TMEM45B: variants seen among roughly 807,000 people sequenced by gnomAD.
TMEM45B encodes the protein transmembrane protein 45B.
Under a neutral mutation model 27.3 loss-of-function variants are expected in TMEM45B, and 29 were observed. The ratio of observed to expected loss-of-function variants is 1.06; its 90% confidence interval spans 0.79 to 1.45. The LOEUF (loss-of-function observed/expected upper bound fraction) is 1.45, where lower values mean the gene tolerates loss of function less well. Ranked by LOEUF, TMEM45B falls within the 40% of genes most tolerant of loss-of-function variation. TMEM45B has a pLI of 0.00. For synonymous variants in TMEM45B, 143 were observed against 134.7 expected, an observed-to-expected ratio of 1.06 and a Z score of -0.43; for missense variants, 348 against 343.9, an observed-to-expected ratio of 1.01 and a Z score of -0.09.
intron 5 of TMEM45B, 147 bp downstream of exon 5, chr11:129,857,605 C>G: frequency 1.2e-6 from 1 of 858,560 alleles, no homozygotes. Flanking sequence ...CCCTTATTTG[C>G]AAACAAGGGG....
rs55956143 is a variant in TMEM45B, at chr11:129,850,165, ATGT to A, written c.-8-2299_-8-2297del. ...TTTTCTCACGTTTTTTTTTTTGTTGATGTTGTTGTTGTTTTTGAGATGGAGTTT... is the reference window on the plus strand; with the variant it reads ...TTTTCTCACGTTTTTTTTTTTGTTGATGTTGTTGTTTTTGAGATGGAGTTT... On this transcript the variant is annotated intron_variant, in intron 1 of 5. Transcript: ENST00000281441. Among the ~76,000 whole-genome samples the A allele has an allele frequency of 2.6e-4, 36 of 138,968 alleles. No individual in the cohort carries two copies. In the East Asian group the frequency reaches 6.0e-3, roughly 23 times the overall value. The allele number at this position is 138,968 out of a possible 152,430, so 91.2% of individuals were successfully genotyped here. A position where few individuals can be genotyped will look rare whatever the true frequency, so the allele number is the denominator to read the frequency against.
chr11:129,855,789 G>A lies in TMEM45B; in HGVS notation c.467G>A (p.Gly156Glu). Residue 156 changes from glycine to glutamate, a missense_variant, in exon 4 of 6, where the codon GGA becomes GAA. Transcript: ENST00000281441. ...IHSLLLYALF[G>E]GCVSISLEVI... Reference sequence around the variant, plus strand: ...TCACTCCTGCTGTATGCTCTGTTCGGAGGGTGTGTTAGTATCTCCCTAGAG... The same window carrying A: ...TCACTCCTGCTGTATGCTCTGTTCGAAGGGTGTGTTAGTATCTCCCTAGAG... The A allele has an allele frequency of 1.2e-6, 2 of 1,614,184 alleles. No homozygotes were observed. The highest frequency in any genetic ancestry group is 2.2e-5 in the South Asian group (2 of 91,078).
At chr11:129,852,943 G>C (rs141846677) in intron 2 of TMEM45B, 2 of 288,824 alleles carry the variant, frequency 6.9e-6, no homozygotes, top group African/African-American at 4.3e-5. Flanking sequence ...GTATGAAAAA[G>C]ATATGACACA....
intron 4 of TMEM45B, among the ~76,000 whole-genome samples, chr11:129,856,921 C>T (rs1947936360): frequency 6.9e-6 from 1 of 145,956 alleles, no homozygotes; most frequent in Non-Finnish European, 1.5e-5. Context: ...GTCATGATCT[C>T]GGCTCACTGC....
chr11:129,845,331 T>C (rs1165301008), intron 1 of TMEM45B, among the ~76,000 whole-genome samples: 1 of 121,968 alleles, frequency 8.2e-6, no homozygotes, highest in African/African-American at 3.4e-5. Context: ...AATAGAGCTA[T>C]TATAGATGTG....
At chr11:129,817,667 A>G (rs1947368847) in intron 1 of TMEM45B, among the ~76,000 whole-genome samples, 1 of 152,186 alleles carries the variant, frequency 6.6e-6, no homozygotes, top group South Asian at 2.1e-4. Context: ...TTATTCCATG[A>G]GTTCCTCCCA....
At chr11:129,855,938 C>A (rs1170985976) in intron 4 of TMEM45B, 46 bp downstream of exon 4, 1 of 1,598,460 alleles carries the variant, frequency 6.3e-7, no homozygotes, top group South Asian at 1.1e-5. Context: ...ATGGAGAAGC[C>A]CCCACCGAGC....
intron 1 of TMEM45B, among the ~76,000 whole-genome samples, chr11:129,840,153 C>T (rs1352023986): frequency 2.0e-5 from 3 of 152,168 alleles, no homozygotes; most frequent in African/African-American, 7.2e-5. Context: ...CATAATGTAG[C>T]TAATCTAATG....
At chr11:129,849,875 C>A (rs1483114575) in intron 1 of TMEM45B, among the ~76,000 whole-genome samples, 1 of 152,132 alleles carries the variant, frequency 6.6e-6, no homozygotes, top group Non-Finnish European at 1.5e-5. Flanking sequence ...AGCAAGGCAG[C>A]CCCAAATGCC....
chr11:129,850,605 G>A (rs1209187862), intron 1 of TMEM45B: 1 of 152,162 alleles, frequency 6.6e-6, no homozygotes, highest in Admixed American at 6.5e-5. Context: ...CATAATTCAG[G>A]TAAGTTCTTT....
intron 1 of TMEM45B, among the ~76,000 whole-genome samples, chr11:129,833,999 A>T (rs180965744): frequency 6.6e-6 from 1 of 152,358 alleles, no homozygotes; most frequent in East Asian, 1.9e-4. Context: ...CCTGGCAACC[A>T]GTACAGATTT....
intron 1 of TMEM45B, among the ~76,000 whole-genome samples, 198 bp from the exon 2 acceptor site, chr11:129,852,277 A>T (rs1366549346): frequency 6.6e-6 from 1 of 152,148 alleles, no homozygotes; most frequent in Admixed American, 6.5e-5. Context: ...CAGACAGTGG[A>T]GTCCAGTTGG....
chr11:129,826,868 C>T (rs572531976), intron 1 of TMEM45B, among the ~76,000 whole-genome samples: 136 of 151,992 alleles, frequency 8.9e-4, no homozygotes, highest in Middle Eastern at 3.4e-3. Context: ...CCACCATGCC[C>T]GGCTAATTTT....
At chr11:129,816,203 GAACGAATATTGCTCAGTCCCCCGC>G (rs1467491971) in intron 1 of TMEM45B, among the ~76,000 whole-genome samples, 1 of 152,140 alleles carries the variant, frequency 6.6e-6, no homozygotes, top group Non-Finnish European at 1.5e-5. Flanking sequence ...CGCGGCCCTG[GAACGAATATTGCTCAGTCCCCCGC>G]GAGTCAGGTC....
At chr11:129,847,253 G>A (rs1253681728) in intron 1 of TMEM45B, among the ~76,000 whole-genome samples, 1 of 152,108 alleles carries the variant, frequency 6.6e-6, no homozygotes, top group Admixed American at 6.6e-5. Context: ...CAATGGTGGA[G>A]GTAAATACCG....
intron 2 of TMEM45B, 73 bp from the exon 3 acceptor site, chr11:129,854,537 T>C: frequency 6.7e-7 from 1 of 1,496,888 alleles, no homozygotes; most frequent in Non-Finnish European, 9.2e-7. Flanking sequence ...CTCATGCCTT[T>C]GGGTTATTCC....
chr11:129,816,080 G>A (rs370835575), intron 1 of TMEM45B, among the ~76,000 whole-genome samples, 182 bp downstream of exon 1: 2 of 152,160 alleles, frequency 1.3e-5, no homozygotes, highest in East Asian at 1.9e-4. Context: ...AGGGGAGGAC[G>A]GGAGGGGATG....
Position 129,855,857 on chromosome 11 carries a change from A to G in TMEM45B, c.535A>G (p.Ser179Gly), listed in dbSNP as rs1466406496. The G allele has an allele frequency of 9.3e-6, 15 of 1,614,184 alleles. No homozygotes were observed. The South Asian group carries it at 1.1e-4, about 12-fold the overall frequency. The change falls in exon 4 of 6, where the codon AGT becomes GGT. Residue 179 changes from serine to glycine, a missense_variant. Physicochemically the swap from Ser to Gly is moderately conservative, Grantham distance 56. Transcript: ENST00000281441. ...CATTGTGCTGGAACTTTTCCGAACC[A>G]GTCTCATCATTCTTCAGGGAACCTG... The part of the protein sequence containing the change: ...DHIVLELFRT[S>G]LIILQGTWFW...
chr11:129,818,725 C>T (rs1359469593), intron 1 of TMEM45B, among the ~76,000 whole-genome samples: 5 of 152,270 alleles, frequency 3.3e-5, no homozygotes, highest in South Asian at 4.1e-4. Flanking sequence ...GAAACTCTCT[C>T]GTTTGGTATA....
Sources: allele counts gnomAD v4.1 joint callset (sites outside exome capture counted in the v4.1 genomes callset), GRCh38; gene constraint gnomAD v4.1.1; transcripts MANE v1.5; gene names NCBI Gene and HGNC (gene_info 2026-07-23, HGNC 2026-07-21).